The following MIGA2 variants were observed in gnomAD, a reference collection of about 807,000 sequenced individuals.
The protein encoded by MIGA2 is family with sequence similarity 73, member B.
A neutral mutation model predicts 69.9 loss-of-function variants in MIGA2; 36 were observed. The observed-to-expected ratio is 0.52, with a 90% CI of 0.39 to 0.68. MIGA2 has a LOEUF of 0.68. MIGA2 is among the 30% of genes least tolerant of loss of function. The pLI is 0.00. For synonymous variants in MIGA2, 333 were observed against 349.2 expected (o/e 0.95, Z 0.52); for missense variants, 660 against 787.7 (o/e 0.84, Z 1.94).
Position 129,042,324 on chromosome 9 carries a change from G to A in MIGA2, c.117G>A (p.Arg39=), listed in dbSNP as rs1178858178. 1 of 1,612,506 alleles carries A rather than the reference G, an allele frequency of 6.2e-7. No individual in the cohort carries two copies. The highest frequency in any genetic ancestry group is 8.5e-7 in the Non-Finnish European group (1 of 1,179,982). ...TGCAGTCTGCATTCTCCCAGCTACG[G>A]TTGACGCCAGGCCTGCGGAAAGTCC... The part of the protein sequence containing the change: ...TFGQSAFSQL[R]LTPGLRKVLF... Residue 39 remains arginine (R), a synonymous_variant, in exon 3 of 16, where the codon CGG becomes CGA. Transcript: ENST00000684074.
intron 5 of MIGA2, 111 bp downstream of exon 5, chr9:129,049,609 A>G: frequency 7.9e-7 from 1 of 1,265,646 alleles, no homozygotes; most frequent in Non-Finnish European, 1.1e-6. Context: ...CCCTGCCCCA[A>G]ATCCCAACTG....
intron 6 of MIGA2, among the ~76,000 whole-genome samples, chr9:129,050,492 C>A (rs1229577700): frequency 6.6e-6 from 1 of 151,496 alleles, no homozygotes; most frequent in African/African-American, 2.4e-5. Context: ...CCAGGCTGGT[C>A]TTGAACTCTT....
At chr9:129,065,102 T>A (rs933016303) in intron 11 of MIGA2, among the ~76,000 whole-genome samples, 5 of 150,168 alleles carry the variant, frequency 3.3e-5, no homozygotes, top group South Asian at 2.1e-4. Context: ...TTTTTTTTTT[T>A]AAACTTTATT....
intron 6 of MIGA2, among the ~76,000 whole-genome samples, chr9:129,053,158 C>T (rs576200179): frequency 1.1e-4 from 16 of 152,248 alleles, no homozygotes; most frequent in African/African-American, 2.9e-4. Flanking sequence ...GTGGCACCCT[C>T]GGCCTCCTGG....
rs962610150 is a variant in MIGA2, at chr9:129,042,527, T to G, written c.307+13T>G. 6.5e-7 allele frequency: 1 copy of G among 1,548,530 alleles called. No individual in the cohort carries two copies. Among genetic ancestry groups the G allele is most frequent in the African/African-American group, 1.4e-5 (1 of 73,232 alleles). Reference sequence around the variant, plus strand: ...TCAGTGAAGAAAGGTAGGTGTGAGGTGGTGGGCATAGGCCTGACCTGAGGT... The same window carrying G: ...TCAGTGAAGAAAGGTAGGTGTGAGGGGGTGGGCATAGGCCTGACCTGAGGT... On this transcript the variant is annotated intron_variant, in intron 3 of 15. Transcript: ENST00000684074.
chr9:129,064,734 TG>T, intron 11 of MIGA2, among the ~76,000 whole-genome samples: 1 of 152,006 alleles, frequency 6.6e-6, no homozygotes, highest in East Asian at 1.9e-4. Flanking sequence ...CTGCCTGATC[TG>T]GGCTTTACAT....
At chr9:129,039,187 G>A (rs867078361) in intron 1 of MIGA2, among the ~76,000 whole-genome samples, 26 of 144,978 alleles carry the variant, frequency 1.8e-4, no homozygotes, top group African/African-American at 5.7e-4. Context: ...GTGTGTGTGT[G>A]TGTGTGTGTG....
At chr9:129,067,938 T>C (rs1846448847) in intron 12 of MIGA2, 67 bp downstream of exon 12, 2 of 1,519,882 alleles carry the variant, frequency 1.3e-6, no homozygotes, top group Admixed American at 1.9e-5. Flanking sequence ...AGGGGGTTCT[T>C]GTGCCGAGCT....
Position 129,059,052 on chromosome 9 carries a change from T to A in MIGA2, c.676-102T>A. On this transcript the variant is annotated intron_variant, in intron 6 of 15. Coordinates refer to ENST00000684074, the MANE Select transcript of MIGA2 (RefSeq NM_001329990.2). The surrounding 1 kb of genome is among the most constrained non-coding windows in gnomAD (Gnocchi z 5.6). ...GTTTATGTGCTTAGCTGCTGGGTCC[T>A]AGAGCTCCTCCCCTTTCCCCAGGGA... is the stretch of plus-strand genomic sequence containing the variant. The A allele has an allele frequency of 9.9e-7, 1 of 1,011,488 alleles. No homozygotes were observed. 62.7% of individuals were successfully genotyped at this position (1,011,488 alleles called of 1,614,324 possible). A position where few individuals can be genotyped will look rare whatever the true frequency, so the allele number is the denominator to read the frequency against.
Position 129,068,841 on chromosome 9 carries a change from A to C in MIGA2, c.1405-235A>C, listed in dbSNP as rs1846512353. ...GCTGTGTTGTGCCCCTTTACAGAAGAGGAGACCGAGGCTCAGAGAAGATCC... is the reference window on the plus strand; with the variant it reads ...GCTGTGTTGTGCCCCTTTACAGAAGCGGAGACCGAGGCTCAGAGAAGATCC... On this transcript the variant is annotated intron_variant, in intron 13 of 15. Coordinates refer to ENST00000684074, the MANE Select transcript of MIGA2 (RefSeq NM_001329990.2). This position sits in a 1 kb window ranked among gnomAD's most constrained non-coding sequence, Gnocchi z 4.1. The C allele has an allele frequency of 5.2e-6, 3 of 574,660 alleles. No homozygotes were observed. Among genetic ancestry groups the C allele is most frequent in the African/African-American group, 1.9e-5 (1 of 53,416 alleles). 35.6% of individuals were successfully genotyped at this position (574,660 alleles called of 1,614,324 possible). A position where few individuals can be genotyped will look rare whatever the true frequency, so the allele number is the denominator to read the frequency against.
Position 129,059,128 on chromosome 9 carries a change from G to C in MIGA2, c.676-26G>C. On this transcript the variant is annotated intron_variant, in intron 6 of 15. Coordinates refer to ENST00000684074, the MANE Select transcript of MIGA2 (RefSeq NM_001329990.2). This position sits in a 1 kb window ranked among gnomAD's most constrained non-coding sequence, Gnocchi z 5.6. ...TTCATCGGGAGCTTTGAGGGTCTGG[G>C]TTGAGGGTCCTTGTTTTTATGGCAG... The C allele has an allele frequency of 6.2e-7, 1 of 1,606,838 alleles. No individual in the cohort carries two copies. Among genetic ancestry groups the C allele is most frequent in the Non-Finnish European group, 8.5e-7 (1 of 1,173,704 alleles).
At position 129,040,446 on chromosome 9, in the gene MIGA2, T is replaced by A; in HGVS notation, c.-143-6T>A. 7.1e-7 allele frequency: 1 copy of A among 1,405,752 alleles called. No individual in the cohort carries two copies. The highest frequency in any genetic ancestry group is 1.5e-5 in the African/African-American group (1 of 68,618). 87.1% of individuals were successfully genotyped at this position (1,405,752 alleles called of 1,614,324 possible). A position where few individuals can be genotyped will look rare whatever the true frequency, so the allele number is the denominator to read the frequency against. On this transcript the variant is annotated splice_polypyrimidine_tract_variant and splice_region_variant and intron_variant, in intron 1 of 15. Transcript: ENST00000684074. ...CTCTTATCTGACTTGGTCATCTGTCTCTTAGCTCTGTGGAGGGGCCCTCTG... is the reference window on the plus strand; with the variant it reads ...CTCTTATCTGACTTGGTCATCTGTCACTTAGCTCTGTGGAGGGGCCCTCTG...
At chr9:129,048,310 G>C in intron 3 of MIGA2, 117 bp from the exon 4 acceptor site, 1 of 870,678 alleles carries the variant, frequency 1.1e-6, no homozygotes, top group Non-Finnish European at 1.9e-6. Flanking sequence ...CCCTGACTTA[G>C]AAGGTCGGGA....
intron 5 of MIGA2, 38 bp downstream of exon 5, chr9:129,049,536 G>C: frequency 6.3e-7 from 1 of 1,594,048 alleles, no homozygotes; most frequent in Non-Finnish European, 8.6e-7. Context: ...AGGGCAGGGT[G>C]GGTGGCAGGA....
In MIGA2 at chr9:129,060,198, C is replaced by T. The variant is rs925169095; in HGVS notation, c.794-352C>T. On this transcript the variant is annotated intron_variant, in intron 7 of 15. Coordinates refer to ENST00000684074, the MANE Select transcript of MIGA2 (RefSeq NM_001329990.2). The surrounding 1 kb of genome is among the most constrained non-coding windows in gnomAD (Gnocchi z 4.8). Reference sequence around the variant, plus strand: ...TGTCAGAGGAGAGAGGCGATTTCCCCGGGGCCACACAGTTCAAGGTCCTCC... The same window carrying T: ...TGTCAGAGGAGAGAGGCGATTTCCCTGGGGCCACACAGTTCAAGGTCCTCC... Among the ~76,000 whole-genome samples the T allele has an allele frequency of 1.4e-4, 22 of 152,254 alleles. No homozygotes were observed. Among genetic ancestry groups the T allele is most frequent in the South Asian group, 2.1e-4 (1 of 4,824 alleles).
chr9:129,050,046 G>T, intron 6 of MIGA2, 83 bp downstream of exon 6: 1 of 1,510,412 alleles, frequency 6.6e-7, no homozygotes, highest in South Asian at 1.3e-5. Context: ...TGGGAGGCAG[G>T]CAGTCTCCTG....
In MIGA2 at chr9:129,069,394, A is replaced by C. The variant is rs1846545255; in HGVS notation, c.1458+265A>C. ...CTAGGGTAGTGGCCACAGGGCTGGCAGCTGGCCTGGTGCAGGCGTCTCGGT... is the reference window on the plus strand; with the variant it reads ...CTAGGGTAGTGGCCACAGGGCTGGCCGCTGGCCTGGTGCAGGCGTCTCGGT... On this transcript the variant is annotated intron_variant, in intron 14 of 15. Coordinates refer to ENST00000684074, the MANE Select transcript of MIGA2 (RefSeq NM_001329990.2). The surrounding 1 kb of genome is among the most constrained non-coding windows in gnomAD (Gnocchi z 4.9). 1.8e-6 allele frequency: 1 copy of C among 565,812 alleles called. No homozygotes were observed. The highest frequency in any genetic ancestry group is 1.9e-5 in the African/African-American group (1 of 53,074). 35.0% of individuals were successfully genotyped at this position (565,812 alleles called of 1,614,324 possible). A position where few individuals can be genotyped will look rare whatever the true frequency, so the allele number is the denominator to read the frequency against.
intron 11 of MIGA2, among the ~76,000 whole-genome samples, chr9:129,065,298 TCAAAAAATAAAAAAC>T (rs1846284052): frequency 1.3e-5 from 2 of 151,206 alleles, no homozygotes; most frequent in Non-Finnish European, 2.9e-5. Context: ...AGACCCTGTC[TCAAAAAATAAAAAAC>T]CAAAAAACAA....
intron 3 of MIGA2, among the ~76,000 whole-genome samples, chr9:129,043,180 C>T (rs1421792822): frequency 2.0e-5 from 3 of 149,482 alleles, no homozygotes; most frequent in East Asian, 4.0e-4. Flanking sequence ...GGTGACAGAG[C>T]GAGACTCCGT....
Sources: allele counts gnomAD v4.1 joint callset (sites outside exome capture counted in the v4.1 genomes callset), GRCh38; gene constraint gnomAD v4.1.1; non-coding constraint Gnocchi (gnomAD v3.1); transcripts MANE v1.5; gene names NCBI Gene and HGNC (gene_info 2026-07-23, HGNC 2026-07-21).